DLG2: variants seen among roughly 807,000 people sequenced by gnomAD.
DLG2 encodes discs large MAGUK scaffold protein 2.
DLG2 carries 45 observed loss-of-function variants against 132.5 expected under a neutral mutation model. The ratio of observed to expected loss-of-function variants is 0.34; its 90% CI spans 0.27 to 0.44. DLG2 has a LOEUF of 0.44. Ranked by LOEUF, DLG2 falls within the 20% of genes least tolerant of loss-of-function variation. The pLI, the probability that DLG2 is intolerant of heterozygous loss-of-function variation, is 1.00. For missense variants in DLG2, 1,045 were observed against 1,196.9 expected (o/e 0.87, Z 1.87); for synonymous variants, 424 against 419.6 (o/e 1.01, Z -0.13).
chr11:85,493,089 T>C (rs1774647090), intron 3 of DLG2, among the ~76,000 whole-genome samples: 1 of 152,152 alleles, frequency 6.6e-6, no homozygotes. Flanking sequence ...AGTAAAAATA[T>C]GTTGAAATAA....
At chr11:84,626,199 G>A (rs1272538654) in intron 6 of DLG2, among the ~76,000 whole-genome samples, 1 of 152,196 alleles carries the variant, frequency 6.6e-6, no homozygotes, top group African/African-American at 2.4e-5. Flanking sequence ...AAGAACATAT[G>A]TATAACTTAT....
intron 3 of DLG2, among the ~76,000 whole-genome samples, chr11:85,503,689 T>A (rs1190767253): frequency 2.6e-5 from 4 of 151,974 alleles, no homozygotes; most frequent in Non-Finnish European, 5.9e-5. Flanking sequence ...CCCAACACCT[T>A]GGGAGCCTAA....
intron 18 of DLG2, among the ~76,000 whole-genome samples, chr11:83,747,983 T>C (rs973572286): frequency 2.6e-5 from 4 of 152,178 alleles, no homozygotes; most frequent in Admixed American, 2.6e-4. Context: ...TGGAGAAGAT[T>C]GAGGCACTTA....
intron 6 of DLG2, among the ~76,000 whole-genome samples, chr11:84,923,770 A>G (rs2092874563): frequency 6.6e-6 from 1 of 152,156 alleles, no homozygotes; most frequent in Non-Finnish European, 1.5e-5. Context: ...GTCCCCTAAA[A>G]TGTGAACTGG....
At chr11:84,110,827 C>A (rs12785867) in intron 9 of DLG2, among the ~76,000 whole-genome samples, 5,287 of 152,254 alleles carry the variant, frequency 0.035, 140 homozygotes, top group Non-Finnish European at 0.055. Flanking sequence ...CTCATGACTG[C>A]CCCACAGGCC....
chr11:84,225,301 A>C (rs542183483), intron 8 of DLG2, among the ~76,000 whole-genome samples: 1 of 152,196 alleles, frequency 6.6e-6, no homozygotes, highest in East Asian at 1.9e-4. Flanking sequence ...AAGTAGACAA[A>C]CATGCATATC....
intron 6 of DLG2, among the ~76,000 whole-genome samples, chr11:84,696,015 C>T (rs2153732547): frequency 6.6e-6 from 1 of 151,628 alleles, no homozygotes; most frequent in Admixed American, 6.6e-5. Context: ...ACCCAATTTT[C>T]CTTCAACGAA....
At chr11:84,319,450 A>ATCAT (rs1388003629) in intron 7 of DLG2, among the ~76,000 whole-genome samples, 1 of 152,214 alleles carries the variant, frequency 6.6e-6, no homozygotes, top group African/African-American at 2.4e-5. Context: ...TTAGGCAGAT[A>ATCAT]TCATTGCACA....
intron 19 of DLG2, among the ~76,000 whole-genome samples, chr11:83,627,396 A>G (rs2062759130): frequency 6.7e-6 from 1 of 150,256 alleles, no homozygotes; most frequent in Non-Finnish European, 1.5e-5. Context: ...CTGGTGTGTG[A>G]TGTTCCCCTT....
chr11:85,037,696 C>A (rs1326178832), intron 6 of DLG2, among the ~76,000 whole-genome samples: 1 of 152,016 alleles, frequency 6.6e-6, no homozygotes, highest in Non-Finnish European at 1.5e-5. Context: ...TCATCTATTC[C>A]TTACAAAAGC....
intron 16 of DLG2, among the ~76,000 whole-genome samples, chr11:83,866,836 C>T (rs61900043): frequency 0.057 from 8,683 of 152,112 alleles, 358 homozygotes; most frequent in East Asian, 0.17. Flanking sequence ...TTGAGCAGCC[C>T]GCAGTATGTG....
chr11:84,239,890 ATAC>A (rs1364776888), intron 8 of DLG2, among the ~76,000 whole-genome samples: 2 of 152,234 alleles, frequency 1.3e-5, no homozygotes, highest in East Asian at 3.8e-4. Context: ...ACATTGAAGA[ATAC>A]TACTAACATG....
chr11:85,385,421 C>A (rs2086245475), intron 3 of DLG2, among the ~76,000 whole-genome samples: 1 of 151,930 alleles, frequency 6.6e-6, no homozygotes, highest in South Asian at 2.1e-4. Flanking sequence ...TATTTCTTCC[C>A]AAGTTTTATA....
chr11:84,759,127 C>T (rs1348366753), intron 6 of DLG2, among the ~76,000 whole-genome samples: 4 of 152,152 alleles, frequency 2.6e-5, no homozygotes, highest in Non-Finnish European at 5.9e-5. Context: ...ATCTACCCAC[C>T]TTGGCCTCCC....
intron 16 of DLG2, among the ~76,000 whole-genome samples, chr11:83,855,902 G>A (rs2060466716): frequency 6.6e-6 from 1 of 152,082 alleles, no homozygotes; most frequent in South Asian, 2.1e-4. Flanking sequence ...TGTTGTACTT[G>A]AAGGTTTGTT....
intron 6 of DLG2, among the ~76,000 whole-genome samples, chr11:84,549,556 C>T (rs1259845958): frequency 1.3e-5 from 2 of 152,144 alleles, no homozygotes; most frequent in African/African-American, 2.4e-5. Context: ...AAATCCTGTT[C>T]CTGCACCAAC....
intron 14 of DLG2, among the ~76,000 whole-genome samples, chr11:83,940,077 G>T (rs11233822): frequency 0.065 from 9,846 of 152,250 alleles, 400 homozygotes; most frequent in East Asian, 0.15. Flanking sequence ...AAGATTGTTT[G>T]GTGGCCATGA....
chr11:85,568,198 A>G (rs1429829955), intron 3 of DLG2, among the ~76,000 whole-genome samples: 1 of 151,924 alleles, frequency 6.6e-6, no homozygotes, highest in African/African-American at 2.4e-5. Flanking sequence ...TGTATTTAAT[A>G]GAGATGGGGA....
chr11:83,954,500 A>C (rs1267176237), intron 14 of DLG2, among the ~76,000 whole-genome samples: 1 of 152,200 alleles, frequency 6.6e-6, no homozygotes, highest in Non-Finnish European at 1.5e-5. Context: ...GCTTCAAAAC[A>C]TACATTATAG....
Sources: gnomAD v4.1 joint callset for allele counts (sites outside exome capture counted in the v4.1 genomes callset) on GRCh38, gnomAD v4.1.1 for gene constraint, MANE v1.5 for transcripts, NCBI Gene and HGNC (gene_info 2026-07-23, HGNC 2026-07-21) for gene names.